CYSLTR2: variants seen among roughly 807,000 people sequenced by gnomAD.
CYSLTR2 encodes the protein cysteinyl leukotriene receptor 2.
For missense variants in CYSLTR2, 398 were observed against 411.9 expected, an observed-to-expected ratio of 0.97 and a Z score of 0.29; for synonymous variants, 179 against 160.8, an observed-to-expected ratio of 1.11 and a Z score of -0.86.
At chr13:48,654,621 T>C (rs11617224) in intron 1 of CYSLTR2, among the ~76,000 whole-genome samples, 11,798 of 152,214 alleles carry the variant, frequency 0.078, 659 homozygotes, top group Middle Eastern at 0.13. Flanking sequence ...ATTTCAATGG[T>C]TTTGCTCAGA....
At chr13:48,680,993 A>G (rs1374430179) in intron 1 of CYSLTR2, among the ~76,000 whole-genome samples, 2 of 151,896 alleles carry the variant, frequency 1.3e-5, no homozygotes, top group African/African-American at 4.8e-5. Context: ...TGAGGTTTCT[A>G]GGAAGGATGT....
chr13:48,687,530 A>G (rs149107764), intron 1 of CYSLTR2, among the ~76,000 whole-genome samples: 1 of 152,204 alleles, frequency 6.6e-6, no homozygotes, highest in South Asian at 2.1e-4. Context: ...TCTATTATCT[A>G]TCAATTATCT....
chr13:48,654,472 T>C (rs1952954600), intron 1 of CYSLTR2, among the ~76,000 whole-genome samples: 1 of 152,230 alleles, frequency 6.6e-6, no homozygotes. Context: ...ATTATTGCAT[T>C]GAGGAACTTT....
chr13:48,706,271 CG>C (rs1954485830), intron 4 of CYSLTR2, among the ~76,000 whole-genome samples: 1 of 152,182 alleles, frequency 6.6e-6, no homozygotes, highest in South Asian at 2.1e-4. Context: ...GCTGGGATTA[CG>C]GGCGTGAGCC....
At chr13:48,680,800 C>CTTTTTTTTTTTTTTTTTTT (rs139896583) in intron 1 of CYSLTR2, among the ~76,000 whole-genome samples, 93 of 54,962 alleles carry the variant, frequency 1.7e-3, no homozygotes, top group South Asian at 2.6e-3. Context: ...CTTTTCTTTT[C>CTTTTTTTTTTTTTTTTTTT]TTTTTTTTTT....
intron 1 of CYSLTR2, among the ~76,000 whole-genome samples, chr13:48,669,619 T>A (rs1307409444): frequency 6.6e-6 from 1 of 152,230 alleles, no homozygotes; most frequent in Non-Finnish European, 1.5e-5. Context: ...CATTATTTTT[T>A]ATGGCTGCAT....
intron 1 of CYSLTR2, among the ~76,000 whole-genome samples, chr13:48,682,864 TTCTC>T (rs1437629232): frequency 2.6e-5 from 4 of 152,158 alleles, no homozygotes; most frequent in African/African-American, 9.7e-5. Context: ...TTTTTTCTGA[TTCTC>T]TCCCTTCTCC....
intron 4 of CYSLTR2, among the ~76,000 whole-genome samples, chr13:48,704,339 A>G (rs895647962): frequency 2.6e-5 from 4 of 152,230 alleles, no homozygotes; most frequent in African/African-American, 9.6e-5. Flanking sequence ...CCTGTGCAAC[A>G]TGGAGATACA....
intron 1 of CYSLTR2, among the ~76,000 whole-genome samples, chr13:48,669,688 T>A (rs980762878): frequency 6.6e-6 from 1 of 152,214 alleles, no homozygotes; most frequent in Non-Finnish European, 1.5e-5. Flanking sequence ...TTGATGGGCT[T>A]TTGGGTTGGT....
At chr13:48,680,803 T>C (rs1415402076) in intron 1 of CYSLTR2, among the ~76,000 whole-genome samples, 2 of 91,992 alleles carry the variant, frequency 2.2e-5, no homozygotes, top group African/African-American at 5.9e-5. Context: ...TTCTTTTCTT[T>C]TTTTTTTTTT....
intron 1 of CYSLTR2, among the ~76,000 whole-genome samples, chr13:48,666,020 A>T (rs1165646645): frequency 1.5e-4 from 23 of 152,034 alleles, no homozygotes; most frequent in Admixed American, 1.5e-3. Flanking sequence ...GCATGTTTTC[A>T]TGAAAATGGT....
rs1953277029 is a variant in CYSLTR2 at position 48,666,896 on chromosome 13, A to G, written c.-266+12879A>G. 3.3e-5 allele frequency among the ~76,000 whole-genome samples: 5 copies of G among 152,080 alleles called. No homozygotes were observed. In the South Asian group the frequency reaches 1.0e-3, roughly 32 times the overall value. On this transcript the variant is annotated intron_variant, in intron 1 of 4. Transcript: ENST00000682523. ...TTTTGAGTTCCTTTATTTGCATTTC[A>G]TGTATTTCCCTATGATTTGGGTCTG...
chr13:48,694,306 T>C (rs950654188), intron 3 of CYSLTR2, among the ~76,000 whole-genome samples: 5 of 152,236 alleles, frequency 3.3e-5, no homozygotes, highest in African/African-American at 1.2e-4. Flanking sequence ...TCCTGAATTC[T>C]CAGTCCCTGG....
chr13:48,658,322 A>G (rs1953047374), intron 1 of CYSLTR2, among the ~76,000 whole-genome samples: 1 of 152,210 alleles, frequency 6.6e-6, no homozygotes, highest in African/African-American at 2.4e-5. Context: ...GAAAATTTTC[A>G]AGGAAAAACA....
chr13:48,663,657 A>T (rs1174191078), intron 1 of CYSLTR2, among the ~76,000 whole-genome samples: 1 of 152,006 alleles, frequency 6.6e-6, no homozygotes, highest in Non-Finnish European at 1.5e-5. Flanking sequence ...TTGTTTGTGT[A>T]GAAAACACTA....
intron 1 of CYSLTR2, among the ~76,000 whole-genome samples, chr13:48,658,010 A>T (rs1346404322): frequency 6.6e-6 from 1 of 152,066 alleles, no homozygotes; most frequent in Non-Finnish European, 1.5e-5. Context: ...AAATAAGGTA[A>T]ATTCGCTGAG....
intron 4 of CYSLTR2, among the ~76,000 whole-genome samples, chr13:48,703,682 CTTTTG>C (rs1048534914): frequency 1.3e-5 from 2 of 152,076 alleles, no homozygotes; most frequent in African/African-American, 4.8e-5. Flanking sequence ...CATCCATAGT[CTTTTG>C]TTTTGTTCTG....
intron 3 of CYSLTR2, among the ~76,000 whole-genome samples, chr13:48,694,972 A>G (rs928175476): frequency 6.6e-6 from 1 of 151,882 alleles, no homozygotes; most frequent in Non-Finnish European, 1.5e-5. Context: ...ATAATTAAAA[A>G]TTCCCATGCA....
At chr13:48,690,181 A>G (rs1954002803) in intron 1 of CYSLTR2, among the ~76,000 whole-genome samples, 1 of 151,914 alleles carries the variant, frequency 6.6e-6, no homozygotes, top group South Asian at 2.1e-4. Flanking sequence ...GTAAATATAC[A>G]GTCATGTCAT....
Sources: gnomAD v4.1 joint callset for allele counts (sites outside exome capture counted in the v4.1 genomes callset) on GRCh38, gnomAD v4.1.1 for gene constraint, MANE v1.5 for transcripts, NCBI Gene and HGNC (gene_info 2026-07-23, HGNC 2026-07-21) for gene names.